The following PRDM7 variants were observed in gnomAD, a reference collection of about 807,000 sequenced individuals.
The protein encoded by PRDM7 is PR/SET domain 7, also known as histone-lysine N-methyltransferase PRDM7.
Under a neutral mutation model 64.3 loss-of-function variants are expected in PRDM7, and 52 were observed. The ratio of observed to expected loss-of-function variants is 0.81; its 90% CI spans 0.65 to 1.02. PRDM7 has a LOEUF of 1.02. Among genes scored for constraint, PRDM7 ranks in the 50% least tolerant of loss-of-function variants. PRDM7 has a pLI of 0.00. For missense variants in PRDM7, 574 were observed against 597.1 expected (o/e 0.96, Z 0.40); for synonymous variants, 192 against 210.1 (o/e 0.91, Z 0.74).
At chr16:90,068,715 T>G (rs2151310827) in intron 4 of PRDM7, among the ~76,000 whole-genome samples, 1 of 149,806 alleles carries the variant, frequency 6.7e-6, no homozygotes, top group South Asian at 2.1e-4. Flanking sequence ...TTCTATTTAG[T>G]AAAAATGAGC....
At chr16:90,066,636 A>G (rs2037877649) in intron 5 of PRDM7, among the ~76,000 whole-genome samples, 1 of 151,246 alleles carries the variant, frequency 6.6e-6, no homozygotes, top group African/African-American at 2.5e-5. Flanking sequence ...TTATTCATGT[A>G]AAATGCTTAA....
chr16:90,063,024 T>C (rs900281273), intron 6 of PRDM7, among the ~76,000 whole-genome samples: 4 of 152,234 alleles, frequency 2.6e-5, no homozygotes, highest in African/African-American at 9.6e-5. Flanking sequence ...ATATACTTGG[T>C]CTCATTTTAC....
intron 4 of PRDM7, among the ~76,000 whole-genome samples, chr16:90,073,856 C>G (rs1052050402): frequency 6.6e-5 from 10 of 151,732 alleles, no homozygotes; most frequent in Non-Finnish European, 1.2e-4. Flanking sequence ...GATTTCGGCT[C>G]ACTGCCACCT....
In PRDM7 at chr16:90,058,426, C is replaced by T. The variant is rs1027832050; in HGVS notation, c.1342G>A (p.Asp448Asn). 2.1e-5 allele frequency: 34 copies of T among 1,613,996 alleles called. No individual in the cohort carries two copies. Among genetic ancestry groups the T allele is most frequent in the Non-Finnish European group, 2.8e-5 (33 of 1,180,036 alleles). ...TTGGAGAAGTTTTCTTGCAGATGGT[C>T]CTGGGAAGTTCTGAGAGGAGTGATT... is the stretch of plus-strand genomic sequence containing the variant. ...NAITPLRTSQ[D>N]HLQENFSNQR... Residue 448 changes from aspartate (D) to asparagine (N), a missense_variant, in exon 11 of 11, where the codon GAC becomes AAC. Transcript: ENST00000449207.
intron 6 of PRDM7, 137 bp downstream of exon 6, chr16:90,063,475 C>A: frequency 1.2e-6 from 1 of 848,406 alleles, no homozygotes; most frequent in South Asian, 1.8e-5. Context: ...CAAAATACTG[C>A]ATCTAACTTC....
intron 4 of PRDM7, among the ~76,000 whole-genome samples, chr16:90,071,960 C>T (rs145810258): frequency 2.6e-5 from 4 of 152,208 alleles, no homozygotes; most frequent in East Asian, 1.9e-4. Flanking sequence ...CGGGAGGCCG[C>T]GGCAGGCGGA....
intron 5 of PRDM7, among the ~76,000 whole-genome samples, chr16:90,065,909 C>CGG (rs2151309105): frequency 6.6e-6 from 1 of 151,316 alleles, no homozygotes; most frequent in East Asian, 1.9e-4. Context: ...AGGAGGCTCT[C>CGG]AGAGGCCCTG....
chr16:90,070,509 G>A (rs989793833), intron 4 of PRDM7, among the ~76,000 whole-genome samples: 1 of 151,068 alleles, frequency 6.6e-6, no homozygotes. Context: ...GCTTGAACCC[G>A]GGAGGTGGAG....
At chr16:90,067,878 C>T (rs1488798970) in intron 4 of PRDM7, among the ~76,000 whole-genome samples, 1 of 151,170 alleles carries the variant, frequency 6.6e-6, no homozygotes, top group Admixed American at 6.6e-5. Context: ...GCGTGAGCCA[C>T]CGCGCCCAGC....
rs1311638167 is a variant in PRDM7, at chr16:90,058,421, A to T, written c.1347T>A (p.His449Gln). ...TCTGGTTGGAGAAGTTTTCTTGCAG[A>T]TGGTCCTGGGAAGTTCTGAGAGGAG... is the stretch of plus-strand genomic sequence containing the variant. ...AITPLRTSQD[H>Q]LQENFSNQRI... Residue 449 changes from histidine to glutamine, a missense_variant, in exon 11 of 11, where the codon CAT (histidine) becomes CAA (glutamine). Coordinates refer to ENST00000449207, the MANE Select transcript of PRDM7 (RefSeq NM_001098173.2). The T allele has an allele frequency of 6.2e-7, 1 of 1,614,172 alleles. No individual in the cohort carries two copies. Among genetic ancestry groups the T allele is most frequent in the Non-Finnish European group, 8.5e-7 (1 of 1,180,028 alleles).
rs756861496 is a variant in PRDM7, at chr16:90,075,316, G to A, written c.193+35C>T. 2.7e-5 allele frequency: 44 copies of A among 1,613,910 alleles called. No homozygotes were observed. Among genetic ancestry groups the A allele is most frequent in the Non-Finnish European group, 3.4e-5 (40 of 1,179,942 alleles). Reference sequence around the variant, plus strand: ...AGGGACCAAAGACCTGTTTTATATCGCCCAGGCTGGTCTGTGCCCAGCACT... The same window carrying A: ...AGGGACCAAAGACCTGTTTTATATCACCCAGGCTGGTCTGTGCCCAGCACT... On this transcript the variant is annotated intron_variant, in intron 3 of 10. Coordinates refer to ENST00000449207, the MANE Select transcript of PRDM7 (RefSeq NM_001098173.2). The surrounding 1 kb of genome is among the most constrained non-coding windows in gnomAD (Gnocchi z 4.3).
chr16:90,076,055 C>T, intron 1 of PRDM7, 60 bp from the exon 2 acceptor site: 1 of 901,794 alleles, frequency 1.1e-6, no homozygotes, highest in Non-Finnish European at 1.7e-6. Context: ...CAGAACAAGG[C>T]TCTGTCTTCT....
At chr16:90,069,453 A>C (rs1294560226) in intron 4 of PRDM7, among the ~76,000 whole-genome samples, 2 of 151,484 alleles carry the variant, frequency 1.3e-5, no homozygotes, top group Non-Finnish European at 2.9e-5. Flanking sequence ...ATGAACAATA[A>C]CTTCTTGTAT....
chr16:90,070,510 G>A (rs1194384979), intron 4 of PRDM7, among the ~76,000 whole-genome samples: 1 of 151,096 alleles, frequency 6.6e-6, no homozygotes, highest in Non-Finnish European at 1.5e-5. Flanking sequence ...CTTGAACCCG[G>A]GAGGTGGAGT....
intron 5 of PRDM7, among the ~76,000 whole-genome samples, chr16:90,066,233 C>T (rs999380538): frequency 1.3e-5 from 2 of 151,276 alleles, no homozygotes; most frequent in Non-Finnish European, 2.9e-5. Context: ...CAGAATGGGT[C>T]CCTTATGAGG....
In PRDM7 at chr16:90,058,007, C is replaced by A; in HGVS notation, c.*282G>T. 6.2e-7 allele frequency: 1 copy of A among 1,608,210 alleles called. No homozygotes were observed. The highest frequency in any genetic ancestry group is 8.5e-7 in the Non-Finnish European group (1 of 1,176,156). On this transcript the variant is annotated 3_prime_UTR_variant, in exon 11 of 11. Coordinates refer to ENST00000449207, the MANE Select transcript of PRDM7 (RefSeq NM_001098173.2). Reference sequence around the variant, plus strand: ...GTCTGACTTCCGGCTAAAGCCCTCCCACACTCTCTGCAGACGTAGGGCTTC... The same window carrying A: ...GTCTGACTTCCGGCTAAAGCCCTCCAACACTCTCTGCAGACGTAGGGCTTC...
At position 90,075,555 on chromosome 16, in the gene PRDM7, A is replaced by G; in HGVS notation, c.70-81T>C. The G allele has an allele frequency of 6.2e-7, 1 of 1,607,948 alleles. No individual in the cohort carries two copies. On this transcript the variant is annotated intron_variant, in intron 2 of 10. Coordinates refer to ENST00000449207, the MANE Select transcript of PRDM7 (RefSeq NM_001098173.2). The surrounding 1 kb of genome is among the most constrained non-coding windows in gnomAD (Gnocchi z 4.3). ...TTTTCCTCTACCCTGCGTGTAGGGC[A>G]TAGCCTGGGGCCTCTGGGAGTCTCT...
chr16:90,061,467 G>A lies in PRDM7; in HGVS notation c.935C>T (p.Ser312Leu), dbSNP rs765946643. The A allele has an allele frequency of 1.0e-5, 16 of 1,604,148 alleles. No homozygotes were observed. The highest frequency in any genetic ancestry group is 5.0e-5 in the Admixed American group (3 of 59,980). ...YEYVDGKDKS[S>L]ANWMRYVNCA... ...GTGGCCTTACCTCATCCAGTTGGCC[G>A]AGGATTTATCTTTTCCATCCACATA... The change falls in exon 9 of 11, where the codon TCG (serine) becomes TTG (leucine). Residue 312 changes from serine to leucine, a missense_variant. By Grantham distance (145) the Ser-to-Leu change is moderately radical. Transcript: ENST00000449207.
intron 4 of PRDM7, among the ~76,000 whole-genome samples, chr16:90,067,311 A>C (rs2037891242): frequency 6.6e-6 from 1 of 151,106 alleles, no homozygotes. Flanking sequence ...TGAATCAGAG[A>C]GTGATGATTC....
Sources: gnomAD v4.1 joint callset for allele counts (sites outside exome capture counted in the v4.1 genomes callset) on GRCh38, gnomAD v4.1.1 for gene constraint, Gnocchi (gnomAD v3.1) non-coding constraint, MANE v1.5 for transcripts, NCBI Gene and HGNC (gene_info 2026-07-23, HGNC 2026-07-21) for gene names.